PSME4: variants seen among roughly 807,000 people sequenced by gnomAD.
PSME4 encodes proteasome activator subunit 4.
In PSME4, 89 loss-of-function variants were observed where a neutral mutation model predicts 253.9. The ratio of observed to expected loss-of-function variants is 0.35; its 90% confidence interval spans 0.30 to 0.42. The LOEUF is 0.42. Ranked by LOEUF, PSME4 falls within the 10% of genes least tolerant of loss-of-function variation. The pLI is 1.00. For missense variants in PSME4, 2,014 were observed against 2,195.2 expected (o/e 0.92, Z 1.65); for synonymous variants, 851 against 759.2 (o/e 1.12, Z -1.99).
chr2:53,910,168 AC>A (rs747258771), intron 20 of PSME4, 38 bp from the exon 21 acceptor site: 38 of 1,504,494 alleles, frequency 2.5e-5, no homozygotes, highest in Non-Finnish European at 3.5e-5. Flanking sequence ...TATTAATAAT[AC>A]CAATATGAAG....
chr2:53,962,400 CA>C lies in PSME4; in HGVS notation c.242+8142del, dbSNP rs113383017. On this transcript the variant is annotated intron_variant, in intron 1 of 46. Coordinates refer to ENST00000404125, the MANE Select transcript of PSME4 (RefSeq NM_014614.3). ...GTTATATGCTTATTTACAAGCTTGCCAAAAAAAAAAAAACAGTAAAAATTTG... is the reference window on the plus strand; with the variant it reads ...GTTATATGCTTATTTACAAGCTTGCCAAAAAAAAAAAACAGTAAAAATTTG... 4.9e-3 allele frequency among the ~76,000 whole-genome samples: 263 copies of C among 53,760 alleles called. 1 individual carries two copies. The highest frequency in any genetic ancestry group is 0.011 in the African/African-American group (172 of 16,156). 35.3% of individuals were successfully genotyped at this position (53,760 alleles called of 152,430 possible).
intron 1 of PSME4, among the ~76,000 whole-genome samples, chr2:53,956,600 T>C (rs1028896686): frequency 1.3e-4 from 20 of 151,180 alleles, no homozygotes; most frequent in African/African-American, 4.4e-4. Flanking sequence ...TGAGATGGAG[T>C]CTCTCTCTGT....
At chr2:53,897,694 A>C (rs1170918152) in intron 31 of PSME4, among the ~76,000 whole-genome samples, 176 bp downstream of exon 31, 1 of 152,160 alleles carries the variant, frequency 6.6e-6, no homozygotes, top group African/African-American at 2.4e-5. Flanking sequence ...GAGTGCCTAA[A>C]CATGTTCATT....
intron 12 of PSME4, among the ~76,000 whole-genome samples, chr2:53,926,917 G>C (rs1034971089): frequency 6.6e-6 from 1 of 151,114 alleles, no homozygotes; most frequent in African/African-American, 2.4e-5. Context: ...AGGTTGCAGT[G>C]AGCCGATATC....
At chr2:53,894,574 G>A (rs1476559499) in intron 34 of PSME4, among the ~76,000 whole-genome samples, 2 of 152,190 alleles carry the variant, frequency 1.3e-5, no homozygotes, top group African/African-American at 4.8e-5. Context: ...TCCCAGCCAA[G>A]TCAACTTTCA....
chr2:53,866,049 C>A, intron 46 of PSME4, 36 bp downstream of exon 46: 1 of 1,560,244 alleles, frequency 6.4e-7, no homozygotes, highest in Non-Finnish European at 8.8e-7. Context: ...TTCTCAGTCA[C>A]CAAACCAATG....
chr2:53,929,089 C>G (rs766874164), intron 10 of PSME4, among the ~76,000 whole-genome samples: 1 of 151,970 alleles, frequency 6.6e-6, no homozygotes, highest in Non-Finnish European at 1.5e-5. Context: ...TCGCTTGAAC[C>G]TGGGAGGCGG....
intron 36 of PSME4, among the ~76,000 whole-genome samples, chr2:53,891,043 C>CA (rs2104426258): frequency 6.6e-6 from 1 of 152,202 alleles, no homozygotes; most frequent in South Asian, 2.1e-4. Context: ...CAAAACAAAA[C>CA]AAATCTCTCA....
intron 21 of PSME4, among the ~76,000 whole-genome samples, chr2:53,909,235 TA>T (rs1443611607): frequency 6.6e-6 from 1 of 152,168 alleles, no homozygotes; most frequent in African/African-American, 2.4e-5. Context: ...GTGGGTGACG[TA>T]AATCAAGCAA....
intron 1 of PSME4, among the ~76,000 whole-genome samples, chr2:53,954,408 A>G (rs1051692673): frequency 3.3e-5 from 5 of 152,226 alleles, no homozygotes. Context: ...GGAAGGCAGA[A>G]GCAGGAGAAT....
chr2:53,936,972 A>AATT (rs1669153884), intron 5 of PSME4, 145 bp from the exon 6 acceptor site: 1 of 580,306 alleles, frequency 1.7e-6, no homozygotes, highest in Non-Finnish European at 3.0e-6. Context: ...AAACTTAATA[A>AATT]AACAAAGGGG....
chr2:53,897,915 C>T lies in PSME4; in HGVS notation c.3561G>A (p.Arg1187=), dbSNP rs771779696. 6 of 1,613,692 alleles carry T rather than the reference C, an allele frequency of 3.7e-6. No individual in the cohort carries two copies. Among genetic ancestry groups the T allele is most frequent in the Non-Finnish European group, 5.1e-6 (6 of 1,179,608 alleles). ...CATGGTTGAGATTCTCAACAAAAAA[C>T]CGTATGGCACGAAGAGGCAACACTC... ...DDRVLPLRAI[R]FFVENLNHDA... The change falls in exon 31 of 47, where the codon CGG becomes CGA. Residue 1187 remains arginine (R), a synonymous_variant. Coordinates refer to ENST00000404125, the MANE Select transcript of PSME4 (RefSeq NM_014614.3).
At position 53,869,460 on chromosome 2, in the gene PSME4, G is replaced by T; in HGVS notation, c.5179C>A (p.His1727Asn). 1 of 1,610,790 alleles carries T rather than the reference G, an allele frequency of 6.2e-7. No homozygotes were observed. Among genetic ancestry groups the T allele is most frequent in the Non-Finnish European group, 8.5e-7 (1 of 1,177,662 alleles). ...TTTGTTTTGCAAAGTTGCTCAAAAT[G>T]AATCTGCATAGGACTGTCCATGGTA... ...FLTMDSPMQIHFEQLCKTKLP... is the reference protein window; with the variant it reads ...FLTMDSPMQINFEQLCKTKLP... The change falls in exon 44 of 47, where the codon CAT becomes AAT. Residue 1727 changes from histidine (H) to asparagine (N), a missense_variant. This residue lies in a region of PSME4 where 403 missense variants were observed against 556.1 expected (regional missense o/e 0.72). Coordinates refer to ENST00000404125, the MANE Select transcript of PSME4 (RefSeq NM_014614.3).
rs186184129 is a variant in PSME4, at chr2:53,957,465, A to T, written c.243-8182T>A. Among the ~76,000 whole-genome samples the T allele has an allele frequency of 1.1e-4, 16 of 152,324 alleles. No homozygotes were observed. In the East Asian group the frequency reaches 3.1e-3, roughly 29 times the overall value. ...CAGGCACAAGATTCTCACAAAGAGCACACAACCTAGATCCCTCTCATGTGC... is the reference window on the plus strand; with the variant it reads ...CAGGCACAAGATTCTCACAAAGAGCTCACAACCTAGATCCCTCTCATGTGC... On this transcript the variant is annotated intron_variant, in intron 1 of 46. Transcript: ENST00000404125.
At chr2:53,954,702 G>A (rs1051721944) in intron 1 of PSME4, among the ~76,000 whole-genome samples, 21 of 151,960 alleles carry the variant, frequency 1.4e-4, no homozygotes, top group Non-Finnish European at 2.5e-4. Flanking sequence ...TTAGCTGGGC[G>A]TAGTGGCAGG....
At chr2:53,877,046 A>G (rs1398675503) in intron 41 of PSME4, among the ~76,000 whole-genome samples, 1 of 151,908 alleles carries the variant, frequency 6.6e-6, no homozygotes, top group Admixed American at 6.6e-5. Context: ...TAATGAAGAA[A>G]TCAGGTTTGT....
rs756897743 is a variant in PSME4, at chr2:53,874,323, A to G, written c.5100+16T>C. On this transcript the variant is annotated intron_variant, in intron 43 of 46. Transcript: ENST00000404125. Reference sequence around the variant, plus strand: ...TAAATTGACTGAATTTCCGTTTTCTATAACTTAAATTTTACCTCCAGTTGT... The same window carrying G: ...TAAATTGACTGAATTTCCGTTTTCTGTAACTTAAATTTTACCTCCAGTTGT... The G allele has an allele frequency of 3.9e-5, 63 of 1,600,538 alleles. No individual in the cohort carries two copies. The highest frequency in any genetic ancestry group is 5.0e-5 in the Non-Finnish European group (59 of 1,175,740).
rs778843688 is a variant in PSME4 at position 53,875,662 on chromosome 2, G to A, written c.4909C>T (p.His1637Tyr). 6.8e-6 allele frequency: 11 copies of A among 1,610,406 alleles called. No individual in the cohort carries two copies. The East Asian group carries it at 1.8e-4, about 26-fold the overall frequency. ...ACCTGAAGTACCAAAGGCACTTGAT[G>A]AGGGTAAAGCAACCCCTGAGACATT... ...SLMSQGLLYPHQVPLVLQVLK... is the reference protein window; with the variant it reads ...SLMSQGLLYPYQVPLVLQVLK... The change falls in exon 42 of 47, where the codon CAT becomes TAT. Residue 1637 changes from histidine (H) to tyrosine (Y), a missense_variant. By Grantham distance (83) the His-to-Tyr change is moderately conservative (BLOSUM62 2). Around this residue, in one of 4 missense-constraint regions of PSME4, gnomAD observed 403 missense variants for 556.1 expected, o/e 0.72. Transcript: ENST00000404125.
intron 21 of PSME4, among the ~76,000 whole-genome samples, chr2:53,909,698 G>A (rs986778073): frequency 1.3e-5 from 2 of 152,088 alleles, no homozygotes; most frequent in African/African-American, 2.4e-5. Context: ...GGTGGCTCAC[G>A]GTTGTAATCC....
Sources: allele counts gnomAD v4.1 joint callset (sites outside exome capture counted in the v4.1 genomes callset), GRCh38; gene constraint gnomAD v4.1.1; regional missense constraint gnomAD v4.1.1; transcripts MANE v1.5; gene names NCBI Gene and HGNC (gene_info 2026-07-23, HGNC 2026-07-21).